Variants in CNBP observed in about 807,000 individuals in gnomAD.
The protein encoded by CNBP is cellular nucleic acid-binding protein.
CNBP carries 6 observed loss-of-function variants against 21.2 expected under a neutral mutation model. The observed-to-expected ratio is 0.28, with a 90% CI of 0.16 to 0.56. CNBP has a LOEUF of 0.56. Among genes scored for constraint, CNBP ranks in the 20% least tolerant of loss-of-function variants. CNBP has a pLI of 0.93. For synonymous variants in CNBP, 61 were observed against 74.9 expected, an observed-to-expected ratio of 0.81 and a Z score of 0.96; for missense variants, 112 against 233.1, an observed-to-expected ratio of 0.48 and a Z score of 3.38.
At chr3:129,175,151 C>T (rs759657589) in intron 1 of CNBP, among the ~76,000 whole-genome samples, 100 of 152,010 alleles carry the variant, frequency 6.6e-4, no homozygotes, top group Non-Finnish European at 1.1e-3. Context: ...TGGTGAAACC[C>T]CAAATCTACT....
Position 129,169,025 on chromosome 3 carries a change from C to G in CNBP, c.*1428G>C, listed in dbSNP as rs1358759051. Among the ~76,000 whole-genome samples the G allele has an allele frequency of 6.6e-6, 1 of 151,720 alleles. No individual in the cohort carries two copies. Among genetic ancestry groups the G allele is most frequent in the Non-Finnish European group, 1.5e-5 (1 of 67,938 alleles). On this transcript the variant is annotated 3_prime_UTR_variant, in exon 5 of 5. Coordinates refer to ENST00000422453, the MANE Select transcript of CNBP (RefSeq NM_003418.5). ...GCTGAGGCAGGAGAATGGCACGAAC[C>G]CAGGAGGCGGAGCTTGCAGTGAGCC...
chr3:129,173,086 A>G (rs1937654086), intron 1 of CNBP, among the ~76,000 whole-genome samples: 1 of 152,242 alleles, frequency 6.6e-6, no homozygotes, highest in Admixed American at 6.5e-5. Flanking sequence ...TGGGTTCTGC[A>G]TCCATGGCTT....
Position 129,170,669 on chromosome 3 carries a change from T to C in CNBP, c.417-99A>G, listed in dbSNP as rs1340200167. 4.5e-6 allele frequency: 4 copies of C among 885,624 alleles called. No individual in the cohort carries two copies. In the African/African-American group the frequency reaches 6.6e-5, roughly 15 times the overall value. The allele number at this position is 885,624 out of a possible 1,614,324, so 54.9% of individuals were successfully genotyped here. On this transcript the variant is annotated intron_variant, in intron 4 of 4. Transcript: ENST00000422453. ...AGAACAAAACGCCTGATCTTTGTTTTCATGCAATTAACCCCTAAGGTTTCA... is the reference window on the plus strand; with the variant it reads ...AGAACAAAACGCCTGATCTTTGTTTCCATGCAATTAACCCCTAAGGTTTCA...
chr3:129,173,229 A>AT (rs1485729610), intron 1 of CNBP, among the ~76,000 whole-genome samples: 1 of 152,164 alleles, frequency 6.6e-6, no homozygotes, highest in African/African-American at 2.4e-5. Flanking sequence ...TGTGTTAGGT[A>AT]TTATAAGTAA....
intron 1 of CNBP, among the ~76,000 whole-genome samples, chr3:129,178,578 T>C (rs917486116): frequency 2.0e-5 from 3 of 152,238 alleles, no homozygotes; most frequent in Non-Finnish European, 2.9e-5. Context: ...CACATTTGTA[T>C]ATATGCTTAC....
Position 129,170,492 on chromosome 3 carries a change from C to T in CNBP, c.495G>A (p.Gly165=), listed in dbSNP as rs1276225727. The change falls in exon 5 of 5, where the codon GGG becomes GGA. Residue 165 remains glycine, a synonymous_variant. Transcript: ENST00000422453. Reference sequence around the variant, plus strand: ...CAATTGTGCATTCCCGTGCAAGGTGCCCTGACTCGCCACAGCGGTAACAGT... The same window carrying T: ...CAATTGTGCATTCCCGTGCAAGGTGTCCTGACTCGCCACAGCGGTAACAGT... The part of the protein sequence containing the change: ...EVNCYRCGES[G]HLARECTIEA... The T allele has an allele frequency of 1.9e-6, 3 of 1,614,194 alleles. No homozygotes were observed. In the Admixed American group the frequency reaches 5.0e-5, roughly 27 times the overall value.
At chr3:129,173,950 A>AT (rs1937709111) in intron 1 of CNBP, among the ~76,000 whole-genome samples, 2 of 152,334 alleles carry the variant, frequency 1.3e-5, no homozygotes, top group South Asian at 4.1e-4. Flanking sequence ...CTGTTTAATC[A>AT]TTAACTTGTG....
Position 129,172,695 on chromosome 3 carries a change from G to GAC in CNBP, c.-14-926_-14-925dup, listed in dbSNP as rs1553787467. ...AGACAGACAGACAGACAGACAGACA[G>GAC]ACACACACACACACACACACACACA... On this transcript the variant is annotated intron_variant, in intron 1 of 4. Transcript: ENST00000422453. Among the ~76,000 whole-genome samples the GAC allele has an allele frequency of 5.2e-4, 41 of 78,874 alleles. 1 individual carries two copies. Among genetic ancestry groups the GAC allele is most frequent in the South Asian group, 5.9e-4 (1 of 1,704 alleles). The allele number at this position is 78,874 out of a possible 152,430, so 51.7% of individuals were successfully genotyped here. A position where few individuals can be genotyped will look rare whatever the true frequency, so the allele number is the denominator to read the frequency against.
chr3:129,176,047 C>T (rs2107641482), intron 1 of CNBP, among the ~76,000 whole-genome samples: 1 of 152,288 alleles, frequency 6.6e-6, no homozygotes, highest in East Asian at 1.9e-4. Flanking sequence ...ACTCACACTA[C>T]TTATATTAGG....
chr3:129,172,683 GACAGACAGACAGACACACAC>G (rs1560035195), intron 1 of CNBP, among the ~76,000 whole-genome samples: 53 of 95,958 alleles, frequency 5.5e-4, no homozygotes, highest in East Asian at 5.1e-3. Flanking sequence ...CAGACAGACA[GACAGACAGACAGACACACAC>G]ACACACACAC....
rs1236715764 is a variant in CNBP at position 129,170,927 on chromosome 3, G to T, written c.416+152C>A. 4.1e-6 allele frequency: 3 copies of T among 739,640 alleles called. No homozygotes were observed. In the African/African-American group the frequency reaches 5.4e-5, roughly 13 times the overall value. 45.8% of individuals were successfully genotyped at this position (739,640 alleles called of 1,614,324 possible). ...AGGGCAGAATACAGAATTATATACA[G>T]ATAGACTGCCAGTTACATATGCTGA... On this transcript the variant is annotated intron_variant, in intron 4 of 4. Coordinates refer to ENST00000422453, the MANE Select transcript of CNBP (RefSeq NM_003418.5).
intron 1 of CNBP, among the ~76,000 whole-genome samples, chr3:129,179,706 A>G (rs557616065): frequency 1.4e-3 from 210 of 152,132 alleles, no homozygotes; most frequent in Non-Finnish European, 2.7e-3. Flanking sequence ...CTAAATATAC[A>G]AAAATTAACT....
intron 1 of CNBP, among the ~76,000 whole-genome samples, chr3:129,183,084 G>A (rs1467992355): frequency 6.6e-6 from 1 of 152,012 alleles, no homozygotes; most frequent in South Asian, 2.1e-4. Context: ...CCGAGCTGCT[G>A]GGACTACATG....
rs770978971 is a variant in CNBP at position 129,169,286 on chromosome 3, C to CCAAAA, written c.*1162_*1166dup. ...GGGCGACAAGAGTGAGACTCCGTCTCCAAAACAAAACAAAACCACCACCAC... is the reference window on the plus strand; with the variant it reads ...GGGCGACAAGAGTGAGACTCCGTCTCCAAAACAAAACAAAACAAAACCACCACCAC... On this transcript the variant is annotated 3_prime_UTR_variant, in exon 5 of 5. Transcript: ENST00000422453. Among the ~76,000 whole-genome samples, 3 of 152,032 alleles carry CCAAAA rather than the reference C, an allele frequency of 2.0e-5. No homozygotes were observed. Among genetic ancestry groups the CCAAAA allele is most frequent in the Admixed American group, 1.3e-4 (2 of 15,252 alleles).
chr3:129,172,608 A>AGGCAGGCAGG (rs1560034584), intron 1 of CNBP, among the ~76,000 whole-genome samples: 4 of 31,864 alleles, frequency 1.3e-4, no homozygotes, highest in African/African-American at 2.9e-4. Context: ...AGGCAGGCAG[A>AGGCAGGCAGG]CAGGCAGACA....
chr3:129,182,651 C>T (rs1938381374), intron 1 of CNBP, among the ~76,000 whole-genome samples: 1 of 152,172 alleles, frequency 6.6e-6, no homozygotes, highest in South Asian at 2.1e-4. Flanking sequence ...ATGATGCAGA[C>T]TACCGCCCGC....
chr3:129,176,050 A>G (rs997107269), intron 1 of CNBP, among the ~76,000 whole-genome samples: 1 of 152,154 alleles, frequency 6.6e-6, no homozygotes, highest in Non-Finnish European at 1.5e-5. Flanking sequence ...CACACTACTT[A>G]TATTAGGCAG....
intron 1 of CNBP, among the ~76,000 whole-genome samples, chr3:129,178,697 T>G (rs1938085406): frequency 6.6e-6 from 1 of 152,158 alleles, no homozygotes; most frequent in Non-Finnish European, 1.5e-5. Context: ...TGCACATTAT[T>G]ATGCTCCGTT....
rs2107629012 is a variant in CNBP at position 129,167,946 on chromosome 3, C to A, written c.*2507G>T. Among the ~76,000 whole-genome samples, 2 of 152,268 alleles carry A rather than the reference C, an allele frequency of 1.3e-5. No homozygotes were observed. The highest frequency in any genetic ancestry group is 4.1e-4 in the South Asian group (2 of 4,822). ...TAAAGAAATGGGTATGTTATTACCT[C>A]TTTTTCTTGCTTGCTCAGGACTATT... On this transcript the variant is annotated 3_prime_UTR_variant, in exon 5 of 5. Transcript: ENST00000422453.
Sources: allele counts gnomAD v4.1 joint callset (sites outside exome capture counted in the v4.1 genomes callset), GRCh38; gene constraint gnomAD v4.1.1; transcripts MANE v1.5; gene names NCBI Gene and HGNC (gene_info 2026-07-23, HGNC 2026-07-21).